The following PCDH11X variants were observed in gnomAD, a reference collection of about 807,000 sequenced individuals.
PCDH11X encodes the protein protocadherin 11 X-linked.
In PCDH11X, 18 loss-of-function variants were observed where a neutral mutation model predicts 53.3. That is an observed-to-expected ratio of 0.34 (90% CI 0.23 to 0.50). PCDH11X has a LOEUF of 0.50. Ranked by LOEUF, PCDH11X falls within the 20% of genes least tolerant of loss-of-function variation. The probability of loss-of-function intolerance (pLI) is 0.98; values close to 1 mark genes in which losing one functional copy is unlikely to be tolerated. For missense variants in PCDH11X, 570 were observed against 1,032.4 expected (o/e 0.55, Z 6.14); for synonymous variants, 279 against 393.3 (o/e 0.71, Z 3.44).
At chrX:91,930,666 A>G (rs1022141951) in intron 6 of PCDH11X, among the ~76,000 whole-genome samples, 2 of 106,586 alleles carry the variant, frequency 1.9e-5, no homozygotes, top group Non-Finnish European at 3.9e-5. Context: ...TAGCAAATAC[A>G]ACAGAGCTGG....
At chrX:92,215,887 C>T (rs1373718152) in intron 7 of PCDH11X, among the ~76,000 whole-genome samples, 4 of 109,633 alleles carry the variant, frequency 3.6e-5, no homozygotes, top group South Asian at 4.0e-4. Context: ...CAGCAGCATT[C>T]GCGGTTCACG....
chrX:92,004,053 C>A (rs2062555554), intron 6 of PCDH11X, among the ~76,000 whole-genome samples: 1 of 108,446 alleles, frequency 9.2e-6, no homozygotes. Flanking sequence ...ACTGCTTTTG[C>A]TGTATTCCAT....
At chrX:92,221,698 C>T (rs1225028160) in intron 7 of PCDH11X, among the ~76,000 whole-genome samples, 1 of 111,783 alleles carries the variant, frequency 8.9e-6, no homozygotes, top group Admixed American at 9.6e-5. Flanking sequence ...AAAACATTTG[C>T]TGATGTAATC....
intron 9 of PCDH11X, among the ~76,000 whole-genome samples, chrX:92,395,408 C>A (rs1329332120): frequency 4.5e-5 from 5 of 111,050 alleles, no homozygotes; most frequent in African/African-American, 1.6e-4. Flanking sequence ...TCAGCACAGA[C>A]CATTGTAGAT....
intron 6 of PCDH11X, among the ~76,000 whole-genome samples, chrX:91,885,470 T>C (rs1215402570): frequency 9.1e-6 from 1 of 109,829 alleles, no homozygotes; most frequent in East Asian, 2.9e-4. Context: ...CCCAGAAAAG[T>C]GAATCAGAAG....
At position 92,563,984 on chromosome X, in the gene PCDH11X, A is replaced by G. The variant is rs184994027; in HGVS notation, c.3368-54280A>G. ...TAGCATTTCTATATGTCACCAGGAG[A>G]CAATCTGAAAAAGAAATAAAATAAT... On this transcript the variant is annotated intron_variant, in intron 10 of 10. Coordinates refer to ENST00000682573, the MANE Select transcript of PCDH11X (RefSeq NM_032968.5). Among the ~76,000 whole-genome samples, 742 of 110,301 alleles carry G rather than the reference A, an allele frequency of 6.7e-3. 6 individuals carry two copies. The highest frequency in any genetic ancestry group is 0.023 in the African/African-American group (694 of 30,388).
intron 6 of PCDH11X, among the ~76,000 whole-genome samples, chrX:92,194,793 G>A (rs961577027): frequency 6.3e-5 from 7 of 110,634 alleles, no homozygotes; most frequent in Admixed American, 1.9e-4. Context: ...GGCTTGTCAG[G>A]ATCAGAGTTC....
intron 10 of PCDH11X, among the ~76,000 whole-genome samples, chrX:92,484,723 A>G (rs1288575938): frequency 2.7e-5 from 3 of 110,880 alleles, no homozygotes; most frequent in African/African-American, 9.8e-5. Flanking sequence ...GACTTTGAGG[A>G]CTTGGGGGAA....
rs774422631 is a variant in PCDH11X, at chrX:91,908,345, C to T, written c.3033+29072C>T. On this transcript the variant is annotated intron_variant, in intron 6 of 10. Coordinates refer to ENST00000682573, the MANE Select transcript of PCDH11X (RefSeq NM_032968.5). Reference sequence around the variant, plus strand: ...TTATTACCAAGGGCAAAACAAACAACGCCATAAAAAAAGTGGGCAAATGAA... The same window carrying T: ...TTATTACCAAGGGCAAAACAAACAATGCCATAAAAAAAGTGGGCAAATGAA... Among the ~76,000 whole-genome samples the T allele has an allele frequency of 1.8e-3, 198 of 111,532 alleles. No homozygotes were observed. In the Middle Eastern group the frequency reaches 0.019, roughly 10 times the overall value.
chrX:91,823,301 C>T (rs375672067), intron 4 of PCDH11X, among the ~76,000 whole-genome samples: 1 of 110,120 alleles, frequency 9.1e-6, no homozygotes, highest in Admixed American at 9.7e-5. Flanking sequence ...ATTAATGTGT[C>T]GGAGTCTAAG....
rs1936264508 is a variant in PCDH11X, at chrX:91,810,590, T to C, written c.-104+12T>C. ...GCTGACAAGCTTGGGTGAGACAATG[T>C]TTTGCTATCCTCCTTAAAGAATTAG... is the stretch of plus-strand genomic sequence containing the variant. On this transcript the variant is annotated intron_variant, in intron 3 of 10. Transcript: ENST00000682573. 1 of 112,081 alleles carries C rather than the reference T, an allele frequency of 8.9e-6. No individual in the cohort carries two copies. The highest frequency in any genetic ancestry group is 3.2e-5 in the African/African-American group (1 of 30,840). The allele number at this position is 112,081 out of a possible 1,213,427, so 9.2% of individuals were successfully genotyped here.
chrX:92,614,646 C>T (rs1039347666), intron 10 of PCDH11X, among the ~76,000 whole-genome samples: 1 of 107,085 alleles, frequency 9.3e-6, no homozygotes, highest in Non-Finnish European at 1.9e-5. Context: ...TAGGACAGGT[C>T]CAAGATTAGC....
chrX:92,281,059 G>C (rs779290738), intron 8 of PCDH11X, among the ~76,000 whole-genome samples: 133 of 111,124 alleles, frequency 1.2e-3, no homozygotes, highest in African/African-American at 4.0e-3. Flanking sequence ...GATGGTACTT[G>C]AGTGGTGATA....
chrX:92,266,271 T>C (rs1418452217), intron 8 of PCDH11X, among the ~76,000 whole-genome samples: 1 of 112,236 alleles, frequency 8.9e-6, no homozygotes, highest in Non-Finnish European at 1.9e-5. Flanking sequence ...TTATGAATTA[T>C]AAAATATGGC....
intron 10 of PCDH11X, among the ~76,000 whole-genome samples, chrX:92,535,860 A>G (rs1371499357): frequency 7.3e-5 from 8 of 110,293 alleles, no homozygotes; most frequent in Non-Finnish European, 1.5e-4. Context: ...CCTAAAATTG[A>G]CAAAAGATTT....
intron 4 of PCDH11X, among the ~76,000 whole-genome samples, chrX:91,821,404 G>T (rs7052563): frequency 0.12 from 12,673 of 109,086 alleles, 2,021 homozygotes; most frequent in African/African-American, 0.41. Context: ...TTGTAAGTTG[G>T]ATTCCTAGGT....
intron 6 of PCDH11X, among the ~76,000 whole-genome samples, chrX:91,987,774 T>C (rs1210831372): frequency 9.0e-6 from 1 of 110,822 alleles, no homozygotes; most frequent in Non-Finnish European, 1.9e-5. Flanking sequence ...TTTTTGTTTT[T>C]TGCATTTCAC....
chrX:92,226,187 T>C (rs1050815920), intron 7 of PCDH11X, among the ~76,000 whole-genome samples: 2 of 111,746 alleles, frequency 1.8e-5, no homozygotes, highest in African/African-American at 6.5e-5. Context: ...GAGAAAAGCA[T>C]AACAGATTTA....
chrX:92,488,671 T>G (rs2073695499), intron 10 of PCDH11X, among the ~76,000 whole-genome samples: 1 of 108,520 alleles, frequency 9.2e-6, no homozygotes, highest in Non-Finnish European at 1.9e-5. Context: ...TTCTAAATTC[T>G]GTATTCAAAA....
Sources: gnomAD v4.1 joint callset for allele counts (sites outside exome capture counted in the v4.1 genomes callset) on GRCh38, gnomAD v4.1.1 for gene constraint, MANE v1.5 for transcripts, NCBI Gene and HGNC (gene_info 2026-07-23, HGNC 2026-07-21) for gene names.